The following LINGO2 variants were observed in gnomAD, a reference collection of about 807,000 sequenced individuals.
LINGO2 encodes the protein leucine rich repeat and Ig domain containing 2.
In LINGO2, 14 loss-of-function variants were observed where a neutral mutation model predicts 30.6. The observed-to-expected ratio is 0.46, with a 90% confidence interval of 0.30 to 0.72. The LOEUF (loss-of-function observed/expected upper bound fraction) is 0.72. Among genes scored for constraint, LINGO2 ranks in the 30% least tolerant of loss-of-function variants. The pLI is 0.07. For synonymous variants in LINGO2, 317 were observed against 288.5 expected (o/e 1.10, Z -1.00); for missense variants, 729 against 751.7 (o/e 0.97, Z 0.35).
chr9:28,986,647 T>C, the LINGO2 span, among the ~76,000 whole-genome samples: 556 of 152,142 alleles, frequency 3.7e-3, 2 homozygotes, highest in African/African-American at 0.013. Flanking sequence ...TGGGGTTATG[T>C]ACCTATAAAC....
chr9:28,719,722 A>T, the LINGO2 span, among the ~76,000 whole-genome samples: 2 of 151,938 alleles, frequency 1.3e-5, no homozygotes, highest in Non-Finnish European at 2.9e-5. Flanking sequence ...TGTAAAATCC[A>T]ATTTCTACAT....
the LINGO2 span, among the ~76,000 whole-genome samples, chr9:29,071,057 C>A: frequency 2.0e-5 from 3 of 150,220 alleles, no homozygotes; most frequent in Admixed American, 1.3e-4. Flanking sequence ...TACATACAGA[C>A]CCATACATAT....
At position 28,149,058 on chromosome 9, in the gene LINGO2, T is replaced by C. The variant is rs552504333; in HGVS notation, c.-86-136653A>G. 8 of 1,534,588 alleles carry C rather than the reference T, an allele frequency of 5.2e-6. No individual in the cohort carries two copies. In the Admixed American group the frequency reaches 1.6e-4, roughly 30 times the overall value. On this transcript the variant is annotated intron_variant, in intron 4 of 5. Transcript: ENST00000379992. ...CCCCCACCGGCTAAGCTTCCATGTC[T>C]ATCTCCTGAGGCACTGTTGGTGGGT... is the stretch of plus-strand genomic sequence containing the variant.
At position 28,329,416 on chromosome 9, in the gene LINGO2, G is replaced by C. The variant is rs1013823619; in HGVS notation, c.-245-34050C>G. ...TTAACTTGAGGGCTTGGGCTAATAAGGTAGGGGCACACACCACGCTGTCTC... is the reference window on the plus strand; with the variant it reads ...TTAACTTGAGGGCTTGGGCTAATAACGTAGGGGCACACACCACGCTGTCTC... On this transcript the variant is annotated intron_variant, in intron 3 of 5. Transcript: ENST00000379992. This position sits in a 1 kb window ranked among gnomAD's most constrained non-coding sequence, Gnocchi z 4.5. Among the ~76,000 whole-genome samples the C allele has an allele frequency of 2.0e-5, 3 of 152,052 alleles. No individual in the cohort carries two copies. The highest frequency in any genetic ancestry group is 7.2e-5 in the African/African-American group (3 of 41,392).
At chr9:28,176,845 G>T (rs749559473) in intron 4 of LINGO2, among the ~76,000 whole-genome samples, 53 of 152,256 alleles carry the variant, frequency 3.5e-4, no homozygotes, top group Non-Finnish European at 6.8e-4. Context: ...GGCATCAGCA[G>T]CCTGTGTCTC....
At chr9:27,957,305 T>G (rs1031940814) in intron 5 of LINGO2, among the ~76,000 whole-genome samples, 1 of 152,124 alleles carries the variant, frequency 6.6e-6, no homozygotes, top group Non-Finnish European at 1.5e-5. Context: ...ATTTTTTGTT[T>G]GTTTGTTGGG....
chr9:28,933,992 T>C, the LINGO2 span, among the ~76,000 whole-genome samples: 1 of 152,190 alleles, frequency 6.6e-6, no homozygotes, highest in African/African-American at 2.4e-5. Context: ...ATATTTACGA[T>C]GACATAAGGA....
At chr9:28,348,059 G>A (rs1819661593) in intron 3 of LINGO2, among the ~76,000 whole-genome samples, 1 of 152,146 alleles carries the variant, frequency 6.6e-6, no homozygotes, top group African/African-American at 2.4e-5. Context: ...CAGGTCATAG[G>A]ATTGTAGGTA....
the LINGO2 span, among the ~76,000 whole-genome samples, chr9:29,024,944 C>T: frequency 6.6e-6 from 1 of 151,998 alleles, no homozygotes; most frequent in African/African-American, 2.4e-5. Flanking sequence ...AAAAAGATGA[C>T]CTCTTCCCTT....
chr9:29,192,626 C>T, the LINGO2 span, among the ~76,000 whole-genome samples: 2 of 152,100 alleles, frequency 1.3e-5, no homozygotes, highest in South Asian at 2.1e-4. Flanking sequence ...AACATCTCTT[C>T]GCTCTGAACA....
At chr9:28,172,416 G>T (rs550165303) in intron 4 of LINGO2, among the ~76,000 whole-genome samples, 1 of 152,040 alleles carries the variant, frequency 6.6e-6, no homozygotes, top group South Asian at 2.1e-4. Flanking sequence ...AATTCACCAG[G>T]CACTAAACTA....
At chr9:28,810,909 G>C in the LINGO2 span, among the ~76,000 whole-genome samples, 1 of 151,886 alleles carries the variant, frequency 6.6e-6, no homozygotes, top group African/African-American at 2.4e-5. Flanking sequence ...TTCCTCCAGG[G>C]CTTTGTGTTT....
At chr9:28,612,752 A>G (rs1012674425) in intron 1 of LINGO2, among the ~76,000 whole-genome samples, 1 of 152,154 alleles carries the variant, frequency 6.6e-6, no homozygotes, top group Admixed American at 6.6e-5. Flanking sequence ...CTTTTGGGCT[A>G]AGGATGGAAT....
chr9:29,125,429 A>G, the LINGO2 span, among the ~76,000 whole-genome samples: 1 of 143,566 alleles, frequency 7.0e-6, no homozygotes. Flanking sequence ...AGTAAAATTT[A>G]AAAATATATA....
chr9:28,140,448 T>C (rs1827641140), intron 4 of LINGO2, among the ~76,000 whole-genome samples: 1 of 152,194 alleles, frequency 6.6e-6, no homozygotes, highest in African/African-American at 2.4e-5. Context: ...ATACTTCTTA[T>C]CACTTATTTC....
At chr9:28,105,575 C>A (rs909122631) in intron 4 of LINGO2, among the ~76,000 whole-genome samples, 1 of 152,072 alleles carries the variant, frequency 6.6e-6, no homozygotes, top group Non-Finnish European at 1.5e-5. Context: ...TGTGTTCCCC[C>A]CAAATTCATA....
rs545067023 is a variant in LINGO2 at position 28,184,919 on chromosome 9, G to C, written c.-87+110289C>G. Among the ~76,000 whole-genome samples, 3 of 152,182 alleles carry C rather than the reference G, an allele frequency of 2.0e-5. No homozygotes were observed. The East Asian group carries it at 5.8e-4, about 29-fold the overall frequency. ...AGAGCATACTAATGATACGGTGGCT[G>C]TTGAAAGAAAGGGGAAATTAAAACA... is the stretch of plus-strand genomic sequence containing the variant. On this transcript the variant is annotated intron_variant, in intron 4 of 5. Transcript: ENST00000379992.
chr9:28,691,313 C>T, the LINGO2 span, among the ~76,000 whole-genome samples: 1 of 152,150 alleles, frequency 6.6e-6, no homozygotes, highest in East Asian at 1.9e-4. Context: ...GTACCAATTT[C>T]ACAAACTTTA....
the LINGO2 span, among the ~76,000 whole-genome samples, chr9:28,686,813 A>G: frequency 2.0e-5 from 3 of 152,036 alleles, no homozygotes; most frequent in Non-Finnish European, 2.9e-5. Flanking sequence ...ACACCAGAAT[A>G]GATTGTAATA....
Sources: allele counts gnomAD v4.1 joint callset (sites outside exome capture counted in the v4.1 genomes callset), GRCh38; gene constraint gnomAD v4.1.1; non-coding constraint Gnocchi (gnomAD v3.1); transcripts MANE v1.5; gene names NCBI Gene and HGNC (gene_info 2026-07-23, HGNC 2026-07-21).